LUC7L3: variants seen among roughly 807,000 people sequenced by gnomAD.
LUC7L3 encodes the protein luc7-like protein 3.
LUC7L3 carries 6 observed loss-of-function variants against 66.8 expected under a neutral mutation model. The ratio of observed to expected loss-of-function variants is 0.09; its 90% CI spans 0.05 to 0.18. The LOEUF (loss-of-function observed/expected upper bound fraction) is 0.18. Among genes scored for constraint, LUC7L3 ranks in the 10% least tolerant of loss-of-function variants. The pLI is 1.00. For synonymous variants in LUC7L3, 160 were observed against 174.7 expected (o/e 0.92, Z 0.66); for missense variants, 341 against 531.1 (o/e 0.64, Z 3.52).
chr17:50,742,214 T>C (rs1970392696), intron 5 of LUC7L3, among the ~76,000 whole-genome samples: 1 of 152,172 alleles, frequency 6.6e-6, no homozygotes, highest in Non-Finnish European at 1.5e-5. Context: ...CCTATGAGAA[T>C]AGCTAAAATT....
chr17:50,733,311 A>G (rs954416297), intron 1 of LUC7L3, among the ~76,000 whole-genome samples: 8 of 150,694 alleles, frequency 5.3e-5, no homozygotes, highest in Admixed American at 4.0e-4. Context: ...TGCTCACTGC[A>G]AGCTCCGCCT....
chr17:50,752,323 T>A lies in LUC7L3; in HGVS notation c.*1662T>A, dbSNP rs184854811. 352 of 810,526 alleles carry A rather than the reference T, an allele frequency of 4.3e-4. 1 individual carries two copies. Among genetic ancestry groups the A allele is most frequent in the East Asian group, 1.8e-3 (26 of 14,592 alleles). 50.2% of individuals were successfully genotyped at this position (810,526 alleles called of 1,614,324 possible). ...AAAAGTATAAAGCTCAGTTAGTTTT[T>A]TTATTATTATTATTATTAAAAGTTA... On this transcript the variant is annotated 3_prime_UTR_variant, in exon 10 of 10. Transcript: ENST00000505658.
In LUC7L3 at chr17:50,754,432, C is replaced by T. The variant is rs1971073192; in HGVS notation, c.*3771C>T. ...ACCATTTAATCTGTAAATAATTCAGCATGTATCTCTAAAAGACAAAGACCT... is the reference window on the plus strand; with the variant it reads ...ACCATTTAATCTGTAAATAATTCAGTATGTATCTCTAAAAGACAAAGACCT... On this transcript the variant is annotated 3_prime_UTR_variant, in exon 10 of 10. Transcript: ENST00000505658. The T allele has an allele frequency of 6.6e-6, 1 of 152,128 alleles. No homozygotes were observed. The highest frequency in any genetic ancestry group is 2.4e-5 in the African/African-American group (1 of 41,424). The allele number at this position is 152,128 out of a possible 1,614,324, so 9.4% of individuals were successfully genotyped here.
chr17:50,741,641 T>G lies in LUC7L3; in HGVS notation c.352-16T>G, dbSNP rs78005262. ...GTTTTCAACTTGTTGGTAATACGTT[T>G]TATTGTCTTCAATAGGCCGCTGGCC... On this transcript the variant is annotated splice_polypyrimidine_tract_variant and intron_variant, in intron 4 of 9. Transcript: ENST00000505658. The G allele has an allele frequency of 8.5e-3, 13,516 of 1,592,008 alleles. 80 individuals are homozygous for G. The highest frequency in any genetic ancestry group is 0.01 in the Non-Finnish European group (12,096 of 1,160,488).
rs1971041035 is a variant in LUC7L3, at chr17:50,752,975, G to A, written c.*2314G>A. ...GTATCCTGACAAGCACTCTTTAGCTGGCTAGCTATGGGATGATGTAGAAAA... is the reference window on the plus strand; with the variant it reads ...GTATCCTGACAAGCACTCTTTAGCTAGCTAGCTATGGGATGATGTAGAAAA... On this transcript the variant is annotated 3_prime_UTR_variant, in exon 10 of 10. Transcript: ENST00000505658. The A allele has an allele frequency of 2.0e-5, 3 of 152,142 alleles. No homozygotes were observed. The highest frequency in any genetic ancestry group is 7.2e-5 in the African/African-American group (3 of 41,414). 9.4% of individuals were successfully genotyped at this position (152,142 alleles called of 1,614,324 possible).
Position 50,750,981 on chromosome 17 carries a change from T to C in LUC7L3, c.*320T>C. 1 of 1,473,794 alleles carries C rather than the reference T, an allele frequency of 6.8e-7. No individual in the cohort carries two copies. The highest frequency in any genetic ancestry group is 8.9e-7 in the Non-Finnish European group (1 of 1,121,868). 91.3% of individuals were successfully genotyped at this position (1,473,794 alleles called of 1,614,324 possible). On this transcript the variant is annotated 3_prime_UTR_variant, in exon 10 of 10. Transcript: ENST00000505658. ...GTTAATTATCCTTTTTTTAGGGATT[T>C]TGATGTCATTTCTTTTTTTTTTTTA...
At chr17:50,726,794 A>G (rs1420021447) in intron 1 of LUC7L3, among the ~76,000 whole-genome samples, 5 of 152,080 alleles carry the variant, frequency 3.3e-5, no homozygotes, top group Non-Finnish European at 5.9e-5. Context: ...CTTTATTGTA[A>G]GAATACAGTA....
chr17:50,740,818 CCAAA>C (rs1970303233), intron 3 of LUC7L3, among the ~76,000 whole-genome samples: 1 of 152,172 alleles, frequency 6.6e-6, no homozygotes, highest in Non-Finnish European at 1.5e-5. Flanking sequence ...CCTCGGCCTC[CCAAA>C]GTGCTGGGAT....
Position 50,737,333 on chromosome 17 carries a change from G to A in LUC7L3, c.166+307G>A, listed in dbSNP as rs1401741503. On this transcript the variant is annotated intron_variant, in intron 2 of 9. Transcript: ENST00000505658. ...ACATTAGAGATGTCAGCAAATTTTT[G>A]GAAGATGACAAGTGGATGGAGGAGT... 6.1e-6 allele frequency: 3 copies of A among 493,792 alleles called. No homozygotes were observed. In the Admixed American group the frequency reaches 6.9e-5, roughly 11 times the overall value. 30.6% of individuals were successfully genotyped at this position (493,792 alleles called of 1,614,324 possible).
chr17:50,723,127 G>C (rs900372287), intron 1 of LUC7L3: 1 of 152,120 alleles, frequency 6.6e-6, no homozygotes, highest in African/African-American at 2.4e-5. Flanking sequence ...AAGTCTGATC[G>C]GGAGTTTTGT....
intron 1 of LUC7L3, among the ~76,000 whole-genome samples, chr17:50,736,164 A>G (rs1340658988): frequency 6.6e-6 from 1 of 152,194 alleles, no homozygotes; most frequent in Non-Finnish European, 1.5e-5. Flanking sequence ...TAATCCACCT[A>G]GTAACAGTGA....
At chr17:50,720,306 G>T (rs1454262289) in intron 1 of LUC7L3, among the ~76,000 whole-genome samples, 2 of 152,226 alleles carry the variant, frequency 1.3e-5, no homozygotes, top group Non-Finnish European at 2.9e-5. Context: ...AAATGTAAAA[G>T]AAGTCGTTTA....
chr17:50,723,252 A>G (rs1178532007), intron 1 of LUC7L3: 1 of 152,216 alleles, frequency 6.6e-6, no homozygotes, highest in Non-Finnish European at 1.5e-5. Context: ...AATATCTGAA[A>G]TGAGTTTTCT....
rs578250396 is a variant in LUC7L3, at chr17:50,743,376, T to A, written c.427-330T>A. On this transcript the variant is annotated intron_variant, in intron 5 of 9. Transcript: ENST00000505658. ...ACCATGCCTGGCTAATTTTTTTTTT[T>A]TATATTTTTAGTAGAGATGGGGTTT... 1.6e-4 allele frequency among the ~76,000 whole-genome samples: 24 copies of A among 152,126 alleles called. No individual in the cohort carries two copies. The South Asian group carries it at 2.5e-3, about 16-fold the overall frequency.
intron 6 of LUC7L3, among the ~76,000 whole-genome samples, chr17:50,744,368 T>C (rs1567874894): frequency 6.6e-6 from 1 of 152,202 alleles, no homozygotes; most frequent in African/African-American, 2.4e-5. Flanking sequence ...CATACTAAAA[T>C]AGGTGGCTTT....
rs1243642565 is a variant in LUC7L3 at position 50,724,763 on chromosome 17, T to TC, written c.99+4932_99+4933insC. ...TTTTATGAAATATTTTCTCTTTTTT[T>TC]TTTTTTTTTTACCCCCGAGATGGAG... On this transcript the variant is annotated intron_variant, in intron 1 of 9. Transcript: ENST00000505658. Among the ~76,000 whole-genome samples the TC allele has an allele frequency of 9.2e-4, 138 of 149,614 alleles. 1 individual carries two copies. The highest frequency in any genetic ancestry group is 2.7e-3 in the Admixed American group (40 of 14,994).
At chr17:50,750,378 C>G (rs540293789) in intron 9 of LUC7L3, 123 bp from the exon 10 acceptor site, 4 of 879,958 alleles carry the variant, frequency 4.5e-6, no homozygotes, top group Non-Finnish European at 5.3e-6. Context: ...TTCACCAAAC[C>G]GTTGCTTGCA....
chr17:50,752,238 G>T lies in LUC7L3; in HGVS notation c.*1577G>T, dbSNP rs1971008184. 4 of 1,280,772 alleles carry T rather than the reference G, an allele frequency of 3.1e-6. No individual in the cohort carries two copies. Among genetic ancestry groups the T allele is most frequent in the Non-Finnish European group, 4.1e-6 (4 of 984,176 alleles). 79.3% of individuals were successfully genotyped at this position (1,280,772 alleles called of 1,614,324 possible). A position where few individuals can be genotyped will look rare whatever the true frequency, so the allele number is the denominator to read the frequency against. On this transcript the variant is annotated 3_prime_UTR_variant, in exon 10 of 10. Transcript: ENST00000505658. Reference sequence around the variant, plus strand: ...AGATTTTTGGAAGAATACTGAGAACGGCATAAAGTGAAGATCGACATTTAA... The same window carrying T: ...AGATTTTTGGAAGAATACTGAGAACTGCATAAAGTGAAGATCGACATTTAA...
intron 1 of LUC7L3, among the ~76,000 whole-genome samples, chr17:50,734,692 A>ATCTACT (rs1969861699): frequency 1.3e-5 from 2 of 152,256 alleles, no homozygotes; most frequent in South Asian, 4.1e-4. Context: ...TAACTTGGAA[A>ATCTACT]GAAAACAGTA....
Sources: allele counts gnomAD v4.1 joint callset (sites outside exome capture counted in the v4.1 genomes callset), GRCh38; gene constraint gnomAD v4.1.1; transcripts MANE v1.5; gene names NCBI Gene and HGNC (gene_info 2026-07-23, HGNC 2026-07-21).